The following ARHGAP26 variants were observed in gnomAD, a reference collection of about 807,000 sequenced individuals.
ARHGAP26 encodes the protein Rho GTPase activating protein 26.
Under a neutral mutation model 104.8 loss-of-function variants are expected in ARHGAP26, and 38 were observed. The observed-to-expected ratio is 0.36, with a 90% CI of 0.28 to 0.48. ARHGAP26 has a LOEUF of 0.48. Among genes scored for constraint, ARHGAP26 ranks in the 20% least tolerant of loss-of-function variants. ARHGAP26 has a pLI of 0.99. For synonymous variants in ARHGAP26, 341 were observed against 340.0 expected (o/e 1.00, Z -0.03); for missense variants, 704 against 947.9 (o/e 0.74, Z 3.38).
intron 17 of ARHGAP26, among the ~76,000 whole-genome samples, chr5:143,064,362 C>T (rs1391022443): frequency 6.6e-6 from 1 of 150,670 alleles, no homozygotes; most frequent in Admixed American, 6.6e-5. Context: ...AATGAGCAAG[C>T]AGAAATGGGC....
At chr5:143,177,760 A>G (rs1416563837) in intron 20 of ARHGAP26, among the ~76,000 whole-genome samples, 1 of 152,102 alleles carries the variant, frequency 6.6e-6, no homozygotes, top group African/African-American at 2.4e-5. Context: ...ATAGTTGCCC[A>G]TTTTCTTCTC....
At chr5:142,902,348 C>T (rs370153761) in intron 7 of ARHGAP26, among the ~76,000 whole-genome samples, 5 of 152,190 alleles carry the variant, frequency 3.3e-5, no homozygotes, top group African/African-American at 1.2e-4. Flanking sequence ...GAAATCCCAG[C>T]CCAACCCAGC....
intron 1 of ARHGAP26, among the ~76,000 whole-genome samples, chr5:142,835,265 T>A (rs1049245238): frequency 3.9e-5 from 6 of 152,270 alleles, no homozygotes; most frequent in Admixed American, 6.5e-5. Flanking sequence ...GAATGGCTGT[T>A]CTTCAAAGCA....
chr5:143,077,212 A>G (rs17099857), intron 17 of ARHGAP26, among the ~76,000 whole-genome samples: 3,866 of 152,268 alleles, frequency 0.025, 158 homozygotes, highest in South Asian at 0.09. Context: ...CCCATTTACC[A>G]TGAACTGTAA....
chr5:143,011,874 C>A (rs1778804297), intron 11 of ARHGAP26, among the ~76,000 whole-genome samples: 1 of 152,206 alleles, frequency 6.6e-6, no homozygotes, highest in Admixed American at 6.5e-5. Flanking sequence ...TTAAGCATTT[C>A]TTTTCTCAGT....
intron 17 of ARHGAP26, among the ~76,000 whole-genome samples, chr5:143,069,129 G>T (rs192702002): frequency 1.3e-5 from 2 of 152,096 alleles, no homozygotes; most frequent in Admixed American, 1.3e-4. Context: ...GGTCTTCCTC[G>T]ATTGTTTTAA....
intron 22 of ARHGAP26, among the ~76,000 whole-genome samples, chr5:143,214,575 C>T (rs555804068): frequency 6.6e-6 from 1 of 152,326 alleles, no homozygotes; most frequent in East Asian, 1.9e-4. Flanking sequence ...GGTGCTGCAC[C>T]TGATTCCGTG....
intron 14 of ARHGAP26, among the ~76,000 whole-genome samples, chr5:143,047,842 A>ATTG (rs1368159048): frequency 1.3e-5 from 2 of 151,544 alleles, no homozygotes; most frequent in African/African-American, 2.4e-5. Context: ...TATTATTATT[A>ATTG]TTATTCCGCT....
chr5:143,084,252 A>ATAAG (rs1790226237), intron 17 of ARHGAP26, among the ~76,000 whole-genome samples: 1 of 152,264 alleles, frequency 6.6e-6, no homozygotes, highest in African/African-American at 2.4e-5. Context: ...AAATTAAAAA[A>ATAAG]TAAGTTTTTC....
intron 11 of ARHGAP26, among the ~76,000 whole-genome samples, chr5:143,012,576 T>TATATATATATATATATATATATATA (rs1554195628): frequency 1.3e-3 from 75 of 56,984 alleles, no homozygotes; most frequent in African/African-American, 2.1e-3. Context: ...TATATATATA[T>TATATATATATATATATATATATATA]TATGATCAGG....
At chr5:143,219,341 T>C (rs569253502) in intron 22 of ARHGAP26, among the ~76,000 whole-genome samples, 3 of 152,238 alleles carry the variant, frequency 2.0e-5, no homozygotes, top group South Asian at 4.1e-4. Context: ...ATAACATATC[T>C]AAGTGTTAGC....
At chr5:143,059,461 G>T (rs1786365910) in intron 17 of ARHGAP26, among the ~76,000 whole-genome samples, 1 of 152,156 alleles carries the variant, frequency 6.6e-6, no homozygotes, top group African/African-American at 2.4e-5. Context: ...GAAGAAAAAA[G>T]GATTTAAAAA....
intron 17 of ARHGAP26, among the ~76,000 whole-genome samples, chr5:143,112,896 T>C (rs1222506473): frequency 6.6e-6 from 1 of 152,246 alleles, no homozygotes; most frequent in African/African-American, 2.4e-5. Flanking sequence ...ATTTTAACTA[T>C]TGTGAATAAT....
chr5:143,037,129 G>A (rs1782776782), intron 12 of ARHGAP26, 67 bp from the exon 13 acceptor site: 2 of 1,361,180 alleles, frequency 1.5e-6, no homozygotes, highest in Non-Finnish European at 2.1e-6. Context: ...TCCTGGTTTG[G>A]TTAAGCCCTA....
chr5:142,863,524 A>G (rs1753741151), intron 1 of ARHGAP26, among the ~76,000 whole-genome samples: 1 of 152,156 alleles, frequency 6.6e-6, no homozygotes, highest in Non-Finnish European at 1.5e-5. Context: ...GTTCTTTTCT[A>G]TTCTGTCTGC....
At chr5:142,920,857 TG>T (rs1227860423) in intron 10 of ARHGAP26, among the ~76,000 whole-genome samples, 1 of 152,176 alleles carries the variant, frequency 6.6e-6, no homozygotes, top group Non-Finnish European at 1.5e-5. Flanking sequence ...GCCAGAATAC[TG>T]GGGGGAAAGT....
chr5:143,117,228 CTG>C (rs1795576450), intron 17 of ARHGAP26, among the ~76,000 whole-genome samples: 1 of 152,188 alleles, frequency 6.6e-6, no homozygotes, highest in East Asian at 1.9e-4. Flanking sequence ...AGCAGGTTCT[CTG>C]TGTTTTATAG....
chr5:142,913,154 G>C lies in ARHGAP26; in HGVS notation c.934-45G>C, dbSNP rs1198181469. ...TCATGTATGTCCTGGGAGGAGTAGAGCTCCCATTCTGGCCTCATCTTGATA... is the reference window on the plus strand; with the variant it reads ...TCATGTATGTCCTGGGAGGAGTAGACCTCCCATTCTGGCCTCATCTTGATA... On this transcript the variant is annotated intron_variant, in intron 9 of 22. Coordinates refer to ENST00000645722, the MANE Select transcript of ARHGAP26 (RefSeq NM_001135608.3). 5.4e-6 allele frequency: 8 copies of C among 1,493,208 alleles called. No homozygotes were observed. In the African/African-American group the frequency reaches 9.7e-5, roughly 18 times the overall value. The allele number at this position is 1,493,208 out of a possible 1,614,324, so 92.5% of individuals were successfully genotyped here. A position where few individuals can be genotyped will look rare whatever the true frequency, so the allele number is the denominator to read the frequency against.
rs546245859 is a variant in ARHGAP26 at position 143,128,216 on chromosome 5, T to G, written c.1699-5751T>G. ...TATATTCCCCCCAATAAATCCCAGA[T>G]AAACCAATAATTGTTTGAATTGTGA... On this transcript the variant is annotated intron_variant, in intron 18 of 22. Coordinates refer to ENST00000645722, the MANE Select transcript of ARHGAP26 (RefSeq NM_001135608.3). Among the ~76,000 whole-genome samples, 3 of 152,330 alleles carry G rather than the reference T, an allele frequency of 2.0e-5. No individual in the cohort carries two copies. The South Asian group carries it at 6.2e-4, about 32-fold the overall frequency.
Sources: gnomAD v4.1 joint callset for allele counts (sites outside exome capture counted in the v4.1 genomes callset) on GRCh38, gnomAD v4.1.1 for gene constraint, MANE v1.5 for transcripts, NCBI Gene and HGNC (gene_info 2026-07-23, HGNC 2026-07-21) for gene names.